Variants in CYB5B observed in about 807,000 individuals in gnomAD.
The protein encoded by CYB5B is cytochrome b5 type B (outer mitochondrial membrane).
In CYB5B, 14 loss-of-function variants were observed where a neutral mutation model predicts 21.3. That is an observed-to-expected ratio of 0.66 (90% CI 0.43 to 1.03). The LOEUF (loss-of-function observed/expected upper bound fraction) is 1.03. CYB5B is among the 50% of genes least tolerant of loss of function. The probability of loss-of-function intolerance (pLI) is 0.00; values close to 1 mark genes in which losing one functional copy is unlikely to be tolerated. For missense variants in CYB5B, 166 were observed against 185.1 expected, an observed-to-expected ratio of 0.90 and a Z score of 0.60; for synonymous variants, 69 against 68.4, an observed-to-expected ratio of 1.01 and a Z score of -0.04.
At chr16:69,443,236 T>G (rs1232622711) in intron 1 of CYB5B, 1 of 152,786 alleles carries the variant, frequency 6.5e-6, no homozygotes, top group Non-Finnish European at 1.5e-5. Flanking sequence ...GCACTTGGTC[T>G]TGTAACTCCT....
rs76124178 is a variant in CYB5B, at chr16:69,450,983, T to C, written c.333+2839T>C. ...GAAAACACCTTTCATATTACTTTTA[T>C]AACACAGGTAAATAATTAATGGTCA... On this transcript the variant is annotated intron_variant, in intron 3 of 4. Coordinates refer to ENST00000307892, the MANE Select transcript of CYB5B (RefSeq NM_030579.3). Among the ~76,000 whole-genome samples the C allele has an allele frequency of 2.9e-3, 443 of 152,332 alleles. 1 individual carries two copies. The highest frequency in any genetic ancestry group is 0.01 in the African/African-American group (424 of 41,578).
chr16:69,457,567 C>T (rs1185940004), intron 3 of CYB5B, among the ~76,000 whole-genome samples: 2 of 152,116 alleles, frequency 1.3e-5, no homozygotes, highest in African/African-American at 2.4e-5. Flanking sequence ...GATGCACATA[C>T]TACCATCGCT....
intron 3 of CYB5B, among the ~76,000 whole-genome samples, chr16:69,451,680 G>A (rs1270622333): frequency 1.3e-5 from 2 of 151,968 alleles, no homozygotes; most frequent in African/African-American, 4.8e-5. Context: ...GGCCGGGGGC[G>A]GTGACTCACG....
chr16:69,454,034 T>G (rs1337936680), intron 3 of CYB5B, among the ~76,000 whole-genome samples: 2 of 152,214 alleles, frequency 1.3e-5, no homozygotes, highest in African/African-American at 2.4e-5. Flanking sequence ...TGTATAGTTT[T>G]GCAAAACAGG....
At chr16:69,452,032 T>G (rs2014938540) in intron 3 of CYB5B, among the ~76,000 whole-genome samples, 1 of 151,972 alleles carries the variant, frequency 6.6e-6, no homozygotes, top group African/African-American at 2.4e-5. Context: ...ATCATTTTTT[T>G]GTTGTTGTTT....
chr16:69,434,862 C>CAA (rs569014074), intron 1 of CYB5B, among the ~76,000 whole-genome samples: 15,930 of 116,252 alleles, frequency 0.14, 1,405 homozygotes, highest in African/African-American at 0.24. Flanking sequence ...GACTTCATCT[C>CAA]AAAAAAAAAA....
At chr16:69,444,478 G>A (rs890277212) in intron 1 of CYB5B, among the ~76,000 whole-genome samples, 5 of 152,140 alleles carry the variant, frequency 3.3e-5, no homozygotes, top group Non-Finnish European at 5.9e-5. Flanking sequence ...AGTGGCCCAT[G>A]GCAGCCCTGC....
chr16:69,447,176 G>T lies in CYB5B; in HGVS notation c.201G>T (p.Leu67=). 1 of 1,614,072 alleles carries T rather than the reference G, an allele frequency of 6.2e-7. No homozygotes were observed. The highest frequency in any genetic ancestry group is 8.5e-7 in the Non-Finnish European group (1 of 1,179,972). The change falls in exon 2 of 5, where the codon CTG becomes CTT. Residue 67 remains leucine, a synonymous_variant. Coordinates refer to ENST00000307892, the MANE Select transcript of CYB5B (RefSeq NM_030579.3). The part of the protein sequence containing the change: ...NEHPGGEEVL[L]EQAGVDASES... ...ACCCTGGAGGAGAAGAGGTTCTGCT[G>T]GAACAAGCTGGTGTAGATGCAAGTG...
chr16:69,431,931 A>G (rs530874007), intron 1 of CYB5B, among the ~76,000 whole-genome samples: 2 of 152,378 alleles, frequency 1.3e-5, no homozygotes, highest in South Asian at 2.1e-4. Flanking sequence ...ATTTAATTTA[A>G]TAAGAGTGAT....
intron 1 of CYB5B, among the ~76,000 whole-genome samples, chr16:69,441,047 T>G (rs2014816613): frequency 6.6e-6 from 1 of 152,166 alleles, no homozygotes; most frequent in Non-Finnish European, 1.5e-5. Context: ...TTTGTACTCT[T>G]CTCTCATTTG....
rs1050538375 is a variant in CYB5B at position 69,465,788 on chromosome 16, T to A, written c.*3268T>A. 1 of 152,242 alleles carries A rather than the reference T, an allele frequency of 6.6e-6. No homozygotes were observed. The highest frequency in any genetic ancestry group is 6.5e-5 in the Admixed American group (1 of 15,286). The allele number at this position is 152,242 out of a possible 1,614,324, so 9.4% of individuals were successfully genotyped here. ...CCCAAGAGAAATGGATTCAGACATG[T>A]CTTGTCTCAACAAGAAATTGATTTT... is the stretch of plus-strand genomic sequence containing the variant. On this transcript the variant is annotated 3_prime_UTR_variant, in exon 5 of 5. Coordinates refer to ENST00000307892, the MANE Select transcript of CYB5B (RefSeq NM_030579.3).
At chr16:69,444,049 G>A (rs1035300130) in intron 1 of CYB5B, 2 of 152,328 alleles carry the variant, frequency 1.3e-5, no homozygotes, top group African/African-American at 2.4e-5. Flanking sequence ...TTTATCCTCT[G>A]GGTTGTTGAT....
chr16:69,447,614 GC>G (rs1453211347), intron 2 of CYB5B, among the ~76,000 whole-genome samples: 1 of 145,834 alleles, frequency 6.9e-6, no homozygotes, highest in East Asian at 2.0e-4. Context: ...CTGCACTCCA[GC>G]CTGGGTGAAA....
At chr16:69,447,651 A>AAAAG (rs2014891300) in intron 2 of CYB5B, among the ~76,000 whole-genome samples, 2 of 151,824 alleles carry the variant, frequency 1.3e-5, no homozygotes, top group East Asian at 3.9e-4. Context: ...TCAAAAAAAA[A>AAAAG]AAAAAAATTA....
chr16:69,432,452 G>T (rs567845414), intron 1 of CYB5B, among the ~76,000 whole-genome samples: 1 of 152,302 alleles, frequency 6.6e-6, no homozygotes, highest in East Asian at 1.9e-4. Context: ...ACACATTTAA[G>T]TTAGGGTAGG....
chr16:69,427,185 G>A (rs1428362203), intron 1 of CYB5B, among the ~76,000 whole-genome samples: 1 of 151,664 alleles, frequency 6.6e-6, no homozygotes, highest in Non-Finnish European at 1.5e-5. Flanking sequence ...GCAGTGAGGT[G>A]AGATGGTGCT....
At chr16:69,459,226 A>G (rs773233252) in intron 4 of CYB5B, 105 bp downstream of exon 4, 283 of 1,403,038 alleles carry the variant, frequency 2.0e-4, no homozygotes, top group Non-Finnish European at 2.6e-4. Context: ...CAGTTTGACA[A>G]CTAATTCTTT....
rs1597289618 is a variant in CYB5B, at chr16:69,464,661, G to A, written c.*2141G>A. The A allele has an allele frequency of 6.6e-6, 1 of 152,662 alleles. No homozygotes were observed. The highest frequency in any genetic ancestry group is 1.9e-4 in the East Asian group (1 of 5,206). 9.5% of individuals were successfully genotyped at this position (152,662 alleles called of 1,614,324 possible). ...CATCTGGCTTATAAGAAATGTTAAA[G>A]AACTACCATCTTAAGTAAAATTGGT... is the stretch of plus-strand genomic sequence containing the variant. On this transcript the variant is annotated 3_prime_UTR_variant, in exon 5 of 5. Transcript: ENST00000307892.
chr16:69,443,182 C>G (rs1224399895), intron 1 of CYB5B: 3 of 151,790 alleles, frequency 2.0e-5, no homozygotes, highest in Admixed American at 2.0e-4. Flanking sequence ...GTGATCCGCC[C>G]TCTTCAGCCT....
Sources: allele counts gnomAD v4.1 joint callset (sites outside exome capture counted in the v4.1 genomes callset), GRCh38; gene constraint gnomAD v4.1.1; transcripts MANE v1.5; gene names NCBI Gene and HGNC (gene_info 2026-07-23, HGNC 2026-07-21).